Variants in PDE11A observed in about 807,000 individuals in gnomAD.
PDE11A encodes phosphodiesterase 11A.
In PDE11A, 100 loss-of-function variants were observed where a neutral mutation model predicts 100.5. The observed-to-expected ratio is 1.00, with a 90% CI of 0.85 to 1.18. The LOEUF is 1.18. Ranked by LOEUF, PDE11A falls within the 50% of genes most tolerant of loss-of-function variation. PDE11A has a pLI of 0.00. For synonymous variants in PDE11A, 381 were observed against 420.8 expected (o/e 0.91, Z 1.16); for missense variants, 1,141 against 1,152.6 (o/e 0.99, Z 0.15).
chr2:177,734,762 C>T (rs961496747), intron 10 of PDE11A, among the ~76,000 whole-genome samples: 2 of 152,168 alleles, frequency 1.3e-5, no homozygotes, highest in East Asian at 3.8e-4. Flanking sequence ...CACACAAGAG[C>T]CTAGCACAGT....
rs751290356 is a variant in PDE11A at position 177,816,936 on chromosome 2, A to G, written c.1645-15T>C. The G allele has an allele frequency of 1.3e-5, 20 of 1,498,652 alleles. No individual in the cohort carries two copies. The highest frequency in any genetic ancestry group is 1.8e-5 in the Non-Finnish European group (19 of 1,074,812). The allele number at this position is 1,498,652 out of a possible 1,614,324, so 92.8% of individuals were successfully genotyped here. A position where few individuals can be genotyped will look rare whatever the true frequency, so the allele number is the denominator to read the frequency against. On this transcript the variant is annotated splice_polypyrimidine_tract_variant and intron_variant, in intron 8 of 19. Transcript: ENST00000286063. ...ATGACAAAAGCCTAGGAAAGAGCAAACCTGCTAATTAAACATTGCAGCAAC... is the reference window on the plus strand; with the variant it reads ...ATGACAAAAGCCTAGGAAAGAGCAAGCCTGCTAATTAAACATTGCAGCAAC...
In PDE11A at chr2:177,900,321, T is replaced by C. The variant is rs553988359; in HGVS notation, c.1162-2123A>G. On this transcript the variant is annotated intron_variant, in intron 3 of 19. Coordinates refer to ENST00000286063, the MANE Select transcript of PDE11A (RefSeq NM_016953.4). Reference sequence around the variant, plus strand: ...ACCTCTCACAAAAGGAATTCATGAATTGTCAAATTCACATCTATTCATCAT... The same window carrying C: ...ACCTCTCACAAAAGGAATTCATGAACTGTCAAATTCACATCTATTCATCAT... Among the ~76,000 whole-genome samples, 157 of 152,374 alleles carry C rather than the reference T, an allele frequency of 1.0e-3. 2 individuals are homozygous for C. The highest frequency in any genetic ancestry group is 0.01 in the Middle Eastern group (3 of 294).
intron 6 of PDE11A, among the ~76,000 whole-genome samples, chr2:177,829,153 G>A (rs1341165520): frequency 6.6e-6 from 1 of 152,070 alleles, no homozygotes; most frequent in Non-Finnish European, 1.5e-5. Context: ...GAAGGATTGT[G>A]TTGCCTCAAT....
At chr2:177,870,910 G>C (rs1218042706) in intron 5 of PDE11A, among the ~76,000 whole-genome samples, 2 of 152,066 alleles carry the variant, frequency 1.3e-5, no homozygotes, top group Non-Finnish European at 2.9e-5. Context: ...CCCAGTTAGT[G>C]AAAAAGTATT....
At chr2:178,055,103 T>C (rs369746867) in intron 1 of PDE11A, among the ~76,000 whole-genome samples, 1 of 152,070 alleles carries the variant, frequency 6.6e-6, no homozygotes, top group African/African-American at 2.4e-5. Flanking sequence ...AACCCAAATG[T>C]CCATCAATGA....
At chr2:177,962,875 T>A (rs1357745993) in intron 2 of PDE11A, among the ~76,000 whole-genome samples, 1 of 152,182 alleles carries the variant, frequency 6.6e-6, no homozygotes, top group African/African-American at 2.4e-5. Context: ...TCTCATAAAT[T>A]TTCTGATTTG....
At chr2:177,844,051 G>T (rs1194653832) in intron 5 of PDE11A, among the ~76,000 whole-genome samples, 2 of 152,162 alleles carry the variant, frequency 1.3e-5, no homozygotes, top group Non-Finnish European at 2.9e-5. Context: ...CATAAATTAA[G>T]GCCTGAGTGA....
rs112544103 is a variant in PDE11A at position 177,968,410 on chromosome 2, T to C, written c.1071+45892A>G. On this transcript the variant is annotated intron_variant, in intron 2 of 19. Coordinates refer to ENST00000286063, the MANE Select transcript of PDE11A (RefSeq NM_016953.4). ...TTGATTGATTCCTATTTTATCTAGA[T>C]CACAGAAATTATGCTAAGGTAGAAA... Among the ~76,000 whole-genome samples, 293 of 152,316 alleles carry C rather than the reference T, an allele frequency of 1.9e-3. 1 individual carries two copies. Among genetic ancestry groups the C allele is most frequent in the African/African-American group, 6.7e-3 (279 of 41,572 alleles).
chr2:178,061,133 C>T (rs1284949756), intron 1 of PDE11A, among the ~76,000 whole-genome samples: 1 of 151,588 alleles, frequency 6.6e-6, no homozygotes, highest in Non-Finnish European at 1.5e-5. Flanking sequence ...TTAGTAGAGG[C>T]GAAGTTTCAC....
chr2:177,631,640 CAT>C lies in PDE11A; in HGVS notation c.2647-2080_2647-2079del, dbSNP rs568720234. 7.0e-4 allele frequency among the ~76,000 whole-genome samples: 85 copies of C among 121,858 alleles called. 1 individual carries two copies. Among genetic ancestry groups the C allele is most frequent in the East Asian group, 6.2e-3 (27 of 4,366 alleles). 79.9% of individuals were successfully genotyped at this position (121,858 alleles called of 152,430 possible). A position where few individuals can be genotyped will look rare whatever the true frequency, so the allele number is the denominator to read the frequency against. ...ACATATATGTGTGTGTATATATATA[CAT>C]ATATATGTGTGTGTATATATATACA... On this transcript the variant is annotated intron_variant, in intron 19 of 19. Transcript: ENST00000286063.
At chr2:177,943,684 T>C (rs1362165589) in intron 2 of PDE11A, among the ~76,000 whole-genome samples, 1 of 152,234 alleles carries the variant, frequency 6.6e-6, no homozygotes, top group Non-Finnish European at 1.5e-5. Flanking sequence ...TATGTTGCCT[T>C]TTCATTCTAT....
chr2:177,803,077 A>G (rs1356926432), intron 9 of PDE11A, among the ~76,000 whole-genome samples: 1 of 151,922 alleles, frequency 6.6e-6, no homozygotes, highest in East Asian at 1.9e-4. Context: ...TTTTGTAAAA[A>G]AAAGATAACA....
rs777469299 is a variant in PDE11A, at chr2:177,728,049, G to C, written c.1912C>G (p.Gln638Glu). ...ACCTCATAGTCAATTTTAAATTTCT[G>C]TACCATCCCCAGCTCCATGAACATC... ...LRMFMELGMV[Q>E]KFKIDYETLC... The change falls in exon 11 of 20, where the codon CAG (glutamine) becomes GAG (glutamate). Residue 638 changes from glutamine (Q) to glutamate (E), a missense_variant. By Grantham distance (29) the Gln-to-Glu change is conservative. Coordinates refer to ENST00000286063, the MANE Select transcript of PDE11A (RefSeq NM_016953.4). The C allele has an allele frequency of 6.2e-7, 1 of 1,613,238 alleles. No individual in the cohort carries two copies. Among genetic ancestry groups the C allele is most frequent in the Admixed American group, 1.7e-5 (1 of 59,924 alleles).
intron 2 of PDE11A, among the ~76,000 whole-genome samples, chr2:177,929,938 G>T (rs943100272): frequency 6.6e-6 from 1 of 152,092 alleles, no homozygotes; most frequent in Non-Finnish European, 1.5e-5. Flanking sequence ...GGATAAATAT[G>T]ATTATAATAA....
intron 6 of PDE11A, among the ~76,000 whole-genome samples, chr2:177,829,620 T>TTG (rs2083279541): frequency 6.6e-6 from 1 of 151,088 alleles, no homozygotes. Flanking sequence ...ATTTTTTTTT[T>TTG]TTTTTGTATT....
chr2:177,685,009 G>C (rs2105512150), intron 15 of PDE11A, among the ~76,000 whole-genome samples: 1 of 152,244 alleles, frequency 6.6e-6, no homozygotes, highest in African/African-American at 2.4e-5. Context: ...TATGTTCCTG[G>C]GTGGCCATTT....
At chr2:177,940,022 G>C (rs373679747) in intron 2 of PDE11A, among the ~76,000 whole-genome samples, 2 of 152,170 alleles carry the variant, frequency 1.3e-5, no homozygotes, top group South Asian at 2.1e-4. Flanking sequence ...TTCTGTTTTA[G>C]AGATATATAA....
intron 9 of PDE11A, among the ~76,000 whole-genome samples, chr2:177,793,302 C>A (rs185669749): frequency 4.6e-5 from 7 of 152,246 alleles, no homozygotes; most frequent in Non-Finnish European, 7.4e-5. Flanking sequence ...TGATACCCCA[C>A]CCCAGAAGTG....
intron 4 of PDE11A, 102 bp downstream of exon 4, chr2:177,897,956 G>A (rs1328398459): frequency 1.1e-5 from 11 of 1,004,060 alleles, no homozygotes; most frequent in Middle Eastern, 2.0e-4. Flanking sequence ...GAAGAGTCAC[G>A]AAGAGTGAAT....
Sources: allele counts gnomAD v4.1 joint callset (sites outside exome capture counted in the v4.1 genomes callset), GRCh38; gene constraint gnomAD v4.1.1; transcripts MANE v1.5; gene names NCBI Gene and HGNC (gene_info 2026-07-23, HGNC 2026-07-21).